SENP7: variants seen among roughly 807,000 people sequenced by gnomAD.
SENP7 encodes sentrin-specific protease 7.
SENP7 carries 64 observed loss-of-function variants against 141.2 expected under a neutral mutation model. The ratio of observed to expected loss-of-function variants is 0.45; its 90% confidence interval spans 0.37 to 0.56. SENP7 has a LOEUF of 0.56. Among genes scored for constraint, SENP7 ranks in the 20% least tolerant of loss-of-function variants. SENP7 has a pLI of 0.00. For missense variants in SENP7, 1,025 were observed against 1,212.2 expected (o/e 0.85, Z 2.29); for synonymous variants, 382 against 426.4 (o/e 0.90, Z 1.28).
chr3:101,394,515 A>AT (rs2060908365), intron 6 of SENP7, among the ~76,000 whole-genome samples: 4 of 144,886 alleles, frequency 2.8e-5, no homozygotes, highest in East Asian at 2.0e-4. Context: ...TCTTTTTAAA[A>AT]ATTTTTTTTT....
chr3:101,407,739 C>A (rs996926773), intron 5 of SENP7, among the ~76,000 whole-genome samples: 15 of 152,036 alleles, frequency 9.9e-5, no homozygotes, highest in African/African-American at 3.1e-4. Context: ...TCCAACTGAA[C>A]AACAATAGTG....
intron 4 of SENP7, among the ~76,000 whole-genome samples, chr3:101,431,162 T>A (rs2062151983): frequency 6.6e-6 from 1 of 152,180 alleles, no homozygotes; most frequent in Non-Finnish European, 1.5e-5. Flanking sequence ...TTCTGTTGAT[T>A]TGGGGTGAAG....
At chr3:101,411,691 A>T (rs948354996) in intron 5 of SENP7, among the ~76,000 whole-genome samples, 6 of 152,224 alleles carry the variant, frequency 3.9e-5, no homozygotes, top group African/African-American at 1.4e-4. Context: ...AAGTATATAA[A>T]GGTGTATACT....
chr3:101,401,441 A>AT (rs1211356948), intron 5 of SENP7, among the ~76,000 whole-genome samples: 1 of 151,918 alleles, frequency 6.6e-6, no homozygotes, highest in Non-Finnish European at 1.5e-5. Context: ...AGGCAGAAGA[A>AT]TGACTTGAAC....
chr3:101,457,555 T>C (rs1344833846), intron 4 of SENP7: 3 of 1,599,174 alleles, frequency 1.9e-6, no homozygotes, highest in African/African-American at 2.7e-5. Context: ...ACCTCTTCAA[T>C]ACCAAAGATA....
Position 101,364,771 on chromosome 3 carries a change from AAC to A in SENP7, c.1476+61_1476+62del, listed in dbSNP as rs1249735433. The A allele has an allele frequency of 2.6e-6, 3 of 1,142,958 alleles. No homozygotes were observed. In the African/African-American group the frequency reaches 4.9e-5, roughly 19 times the overall value. The allele number at this position is 1,142,958 out of a possible 1,614,324, so 70.8% of individuals were successfully genotyped here. ...CAATATTCAGCTTGATAAAACAAAT[AAC>A]AGTCATTAACCAATAGTGTACATTT... On this transcript the variant is annotated intron_variant, in intron 10 of 23. Transcript: ENST00000394095.
At chr3:101,504,979 C>T (rs1576551974) in intron 1 of SENP7, among the ~76,000 whole-genome samples, 1 of 152,040 alleles carries the variant, frequency 6.6e-6, no homozygotes, top group South Asian at 2.1e-4. Context: ...TGTGGAGAAT[C>T]GCTTGAGCCC....
At chr3:101,404,996 C>T (rs1045608564) in intron 5 of SENP7, among the ~76,000 whole-genome samples, 25 of 152,164 alleles carry the variant, frequency 1.6e-4, no homozygotes, top group African/African-American at 6.0e-4. Flanking sequence ...GGATTTCTTG[C>T]CTCCAGAATT....
intron 3 of SENP7, among the ~76,000 whole-genome samples, chr3:101,482,339 A>G (rs1283733898): frequency 6.6e-6 from 1 of 151,976 alleles, no homozygotes; most frequent in Non-Finnish European, 1.5e-5. Context: ...AGAAAGAAAT[A>G]CTTTGGTATA....
At chr3:101,442,643 A>G (rs1347479284) in intron 4 of SENP7, among the ~76,000 whole-genome samples, 1 of 152,224 alleles carries the variant, frequency 6.6e-6, no homozygotes, top group African/African-American at 2.4e-5. Flanking sequence ...AACAATACAA[A>G]AAAAAATCAG....
chr3:101,375,699 C>G (rs1178983042), intron 6 of SENP7, among the ~76,000 whole-genome samples: 1 of 151,888 alleles, frequency 6.6e-6, no homozygotes, highest in Admixed American at 6.6e-5. Flanking sequence ...TTCACAATAG[C>G]CAAAAGGTGA....
intron 11 of SENP7, chr3:101,358,222 T>A: frequency 1.2e-6 from 1 of 815,306 alleles, no homozygotes. Flanking sequence ...CAAGCCTCAC[T>A]AAACATAAGA....
At chr3:101,453,609 C>T (rs573248535) in intron 4 of SENP7, among the ~76,000 whole-genome samples, 4 of 151,234 alleles carry the variant, frequency 2.6e-5, no homozygotes, top group Non-Finnish European at 4.4e-5. Flanking sequence ...AGTAAACTAT[C>T]GCAAGGACAA....
chr3:101,425,828 T>C (rs2061941124), intron 4 of SENP7, among the ~76,000 whole-genome samples: 1 of 152,132 alleles, frequency 6.6e-6, no homozygotes, highest in Non-Finnish European at 1.5e-5. Context: ...ACTAACATGA[T>C]ATAGCTGAAA....
At chr3:101,326,455 T>A (rs533278876) in intron 23 of SENP7, among the ~76,000 whole-genome samples, 1 of 152,280 alleles carries the variant, frequency 6.6e-6, no homozygotes, top group Non-Finnish European at 1.5e-5. Flanking sequence ...TGTAGCTGCA[T>A]ACTATAACTC....
At chr3:101,463,088 A>T (rs2107907079) in intron 3 of SENP7, among the ~76,000 whole-genome samples, 1 of 151,950 alleles carries the variant, frequency 6.6e-6, no homozygotes, top group African/African-American at 2.4e-5. Flanking sequence ...GACTTGAGCC[A>T]GGTACAGTGG....
chr3:101,361,973 G>A, intron 10 of SENP7, 112 bp from the exon 11 acceptor site: 1 of 1,206,366 alleles, frequency 8.3e-7, no homozygotes, highest in Non-Finnish European at 1.1e-6. Context: ...AATTTTTGAA[G>A]AACTTTATAC....
rs2062671919 is a variant in SENP7 at position 101,441,498 on chromosome 3, ACACT to A, written c.284+17453_284+17456del. On this transcript the variant is annotated intron_variant, in intron 4 of 23. Coordinates refer to ENST00000394095, the MANE Select transcript of SENP7 (RefSeq NM_020654.5). Reference sequence around the variant, plus strand: ...CCACTGCCACCACCACAGCCCATACACACTGTCAAGGGGCCTAAGCACTAGCCCA... The same window carrying A: ...CCACTGCCACCACCACAGCCCATACAGTCAAGGGGCCTAAGCACTAGCCCA... Among the ~76,000 whole-genome samples, 3 of 152,038 alleles carry A rather than the reference ACACT, an allele frequency of 2.0e-5. No homozygotes were observed. The South Asian group carries it at 6.2e-4, about 32-fold the overall frequency.
At chr3:101,476,307 C>A (rs955962144) in intron 3 of SENP7, among the ~76,000 whole-genome samples, 1 of 151,138 alleles carries the variant, frequency 6.6e-6, no homozygotes, top group Non-Finnish European at 1.5e-5. Context: ...TGTCCATGTG[C>A]TCTCATTGTT....
Sources: allele counts gnomAD v4.1 joint callset (sites outside exome capture counted in the v4.1 genomes callset), GRCh38; gene constraint gnomAD v4.1.1; transcripts MANE v1.5; gene names NCBI Gene and HGNC (gene_info 2026-07-23, HGNC 2026-07-21).